Variants in IQSEC1 observed in about 807,000 individuals in gnomAD.
IQSEC1 encodes IQ motif and SEC7 domain-containing protein 1.
IQSEC1 carries 31 observed loss-of-function variants against 91.0 expected under a neutral mutation model. The ratio of observed to expected loss-of-function variants is 0.34; its 90% confidence interval spans 0.26 to 0.46. The LOEUF is 0.46. Ranked by LOEUF, IQSEC1 falls within the 20% of genes least tolerant of loss-of-function variation. IQSEC1 has a pLI of 1.00. For missense variants in IQSEC1, 1,388 were observed against 1,575.6 expected, an observed-to-expected ratio of 0.88 and a Z score of 2.02; for synonymous variants, 699 against 662.6, an observed-to-expected ratio of 1.05 and a Z score of -0.84.
intron 1 of IQSEC1, among the ~76,000 whole-genome samples, chr3:12,961,029 C>T (rs1700209978): frequency 2.0e-5 from 3 of 152,278 alleles, no homozygotes; most frequent in Admixed American, 1.3e-4. Context: ...CCTCTGCCCA[C>T]TGCAGCAAGC....
intron 1 of IQSEC1, among the ~76,000 whole-genome samples, chr3:12,946,380 G>C (rs1699183052): frequency 6.6e-6 from 1 of 152,260 alleles, no homozygotes; most frequent in African/African-American, 2.4e-5. Context: ...CCAAGGAATG[G>C]GCCGAGGCAC....
chr3:12,930,678 C>G (rs764255149), intron 3 of IQSEC1, among the ~76,000 whole-genome samples: 90 of 152,166 alleles, frequency 5.9e-4, no homozygotes, highest in Non-Finnish European at 6.9e-4. Flanking sequence ...CCAAGAAATA[C>G]CCGGGACTTT....
chr3:13,009,338 C>T (rs1170853623), intron 1 of IQSEC1, among the ~76,000 whole-genome samples: 1 of 152,116 alleles, frequency 6.6e-6, no homozygotes, highest in African/African-American at 2.4e-5. Context: ...CCCTTTGTGC[C>T]ATGAGGGTGT....
At chr3:13,150,996 C>T (rs1464860908) in intron 2 of IQSEC1, among the ~76,000 whole-genome samples, 1 of 152,234 alleles carries the variant, frequency 6.6e-6, no homozygotes, top group African/African-American at 2.4e-5. Flanking sequence ...GGGCTGCCCT[C>T]ATCCTCCTGG....
chr3:13,266,446 G>A (rs1270147213), intron 1 of IQSEC1, among the ~76,000 whole-genome samples: 1 of 152,196 alleles, frequency 6.6e-6, no homozygotes, highest in Non-Finnish European at 1.5e-5. Context: ...AGTGCAGCTG[G>A]GTGACGGGGA....
At chr3:12,981,481 G>T (rs548178864) in intron 1 of IQSEC1, among the ~76,000 whole-genome samples, 3 of 152,136 alleles carry the variant, frequency 2.0e-5, no homozygotes, top group African/African-American at 7.2e-5. Flanking sequence ...GCTGCTGGGG[G>T]ACTAGTGTTG....
At chr3:13,128,631 C>T (rs890851940) in intron 2 of IQSEC1, among the ~76,000 whole-genome samples, 1 of 151,900 alleles carries the variant, frequency 6.6e-6, no homozygotes, top group African/African-American at 2.4e-5. Context: ...TTTGGGAGGC[C>T]GAGGCGGGCG....
intron 1 of IQSEC1, among the ~76,000 whole-genome samples, chr3:13,248,483 C>T (rs529782815): frequency 3.9e-5 from 6 of 152,280 alleles, no homozygotes; most frequent in South Asian, 4.1e-4. Context: ...CCTGAGAGAA[C>T]GTGGAATGCC....
chr3:13,065,294 C>T (rs1705196547), intron 1 of IQSEC1, among the ~76,000 whole-genome samples: 1 of 152,242 alleles, frequency 6.6e-6, no homozygotes, highest in Non-Finnish European at 1.5e-5. Flanking sequence ...CATATAAATG[C>T]ACAGAAATTC....
At chr3:13,195,156 AAACAATCCAGT>A (rs1359642796) in intron 1 of IQSEC1, among the ~76,000 whole-genome samples, 5 of 152,230 alleles carry the variant, frequency 3.3e-5, no homozygotes. Context: ...GTAAAACACC[AAACAATCCAGT>A]TAGAAAATGG....
At chr3:12,902,670 C>CAAA (rs1213830618) in intron 13 of IQSEC1, 103 bp downstream of exon 13, 9,124 of 189,134 alleles carry the variant, frequency 0.048, 427 homozygotes, top group African/African-American at 0.1. Context: ...AAAAAAAAAC[C>CAAA]AAAAAAAAAA....
chr3:12,991,674 C>A (rs901728349), intron 1 of IQSEC1, among the ~76,000 whole-genome samples: 1 of 152,228 alleles, frequency 6.6e-6, no homozygotes, highest in South Asian at 2.1e-4. Context: ...CCTACAAGAA[C>A]AAAGGATGGC....
At chr3:13,261,934 T>C (rs1016345661) in intron 1 of IQSEC1, among the ~76,000 whole-genome samples, 7 of 152,250 alleles carry the variant, frequency 4.6e-5, no homozygotes, top group Admixed American at 4.6e-4. Context: ...GCCCAGTTTT[T>C]CCTTGGGCAA....
chr3:13,176,594 G>T (rs1693734630), intron 1 of IQSEC1, among the ~76,000 whole-genome samples: 1 of 152,148 alleles, frequency 6.6e-6, no homozygotes, highest in Non-Finnish European at 1.5e-5. Context: ...AGGTCCCAGG[G>T]TGCAGCCCTC....
At chr3:13,011,145 T>C (rs1194756156) in intron 1 of IQSEC1, among the ~76,000 whole-genome samples, 1 of 152,156 alleles carries the variant, frequency 6.6e-6, no homozygotes, top group Non-Finnish European at 1.5e-5. Context: ...CTGGATTGAC[T>C]TGGGATTTGA....
intron 2 of IQSEC1, among the ~76,000 whole-genome samples, chr3:13,128,745 C>T (rs930239344): frequency 1.3e-5 from 2 of 151,860 alleles, no homozygotes; most frequent in South Asian, 2.1e-4. Flanking sequence ...GGCGTGGTGG[C>T]GGGCACCTGT....
chr3:12,955,157 C>T (rs1203189030), intron 1 of IQSEC1, among the ~76,000 whole-genome samples: 1 of 152,258 alleles, frequency 6.6e-6, no homozygotes, highest in African/African-American at 2.4e-5. Context: ...TGAGTTTCTC[C>T]ACCGTACAGA....
chr3:13,198,959 G>A (rs1347163027), intron 1 of IQSEC1, among the ~76,000 whole-genome samples: 1 of 152,236 alleles, frequency 6.6e-6, no homozygotes, highest in African/African-American at 2.4e-5. Flanking sequence ...GGGCTTGGGA[G>A]GCTGCCGGGC....
At chr3:12,990,370 C>T (rs1435064398) in intron 1 of IQSEC1, among the ~76,000 whole-genome samples, 2 of 152,344 alleles carry the variant, frequency 1.3e-5, no homozygotes, top group South Asian at 2.1e-4. Context: ...TCAGGCACAA[C>T]AAGAACTTAT....
Sources: gnomAD v4.1 joint callset for allele counts (sites outside exome capture counted in the v4.1 genomes callset) on GRCh38, gnomAD v4.1.1 for gene constraint, MANE v1.5 for transcripts, NCBI Gene and HGNC (gene_info 2026-07-23, HGNC 2026-07-21) for gene names.